Variants in SHISA6 observed in about 807,000 individuals in gnomAD.
SHISA6 encodes shisa family member 6, also known as protein shisa-6.
In SHISA6, 22 loss-of-function variants were observed where a neutral mutation model predicts 47.9. That is an observed-to-expected ratio of 0.46 (90% CI 0.33 to 0.66). SHISA6 has a LOEUF of 0.66. Among genes scored for constraint, SHISA6 ranks in the 30% least tolerant of loss-of-function variants. The pLI is 0.02. For synonymous variants in SHISA6, 388 were observed against 337.8 expected (o/e 1.15, Z -1.63); for missense variants, 680 against 764.6 (o/e 0.89, Z 1.30).
chr17:11,289,979 A>G (rs572539433), intron 2 of SHISA6: 67 of 152,316 alleles, frequency 4.4e-4, no homozygotes, highest in African/African-American at 1.4e-3. Context: ...AACAGTAGGT[A>G]TAACTGAATC....
intron 3 of SHISA6, among the ~76,000 whole-genome samples, chr17:11,532,313 T>C (rs2071741638): frequency 2.0e-5 from 3 of 151,754 alleles, no homozygotes; most frequent in African/African-American, 7.3e-5. Flanking sequence ...GGAGAAGGAG[T>C]GTCTGATGAG....
intron 1 of SHISA6, among the ~76,000 whole-genome samples, chr17:11,243,527 G>A (rs1190733961): frequency 6.6e-6 from 1 of 152,162 alleles, no homozygotes; most frequent in Non-Finnish European, 1.5e-5. Flanking sequence ...CCTCTTGTGT[G>A]AGAAACAGCC....
intron 4 of SHISA6, among the ~76,000 whole-genome samples, chr17:11,553,176 A>C (rs1289923596): frequency 6.6e-6 from 1 of 152,204 alleles, no homozygotes; most frequent in East Asian, 1.9e-4. Context: ...GAATGCAGAC[A>C]TGAAGTCTGG....
chr17:11,485,591 G>A (rs929944078), intron 3 of SHISA6, among the ~76,000 whole-genome samples: 1 of 152,164 alleles, frequency 6.6e-6, no homozygotes, highest in South Asian at 2.1e-4. Context: ...ACGGCCACGC[G>A]CACTGAGTGA....
At chr17:11,371,278 A>T (rs1912623315) in intron 2 of SHISA6, among the ~76,000 whole-genome samples, 1 of 152,150 alleles carries the variant, frequency 6.6e-6, no homozygotes, top group African/African-American at 2.4e-5. Flanking sequence ...CTCATTGTAT[A>T]GTCAGGGTTG....
intron 2 of SHISA6, among the ~76,000 whole-genome samples, chr17:11,296,139 G>A (rs1322360364): frequency 6.6e-6 from 1 of 152,062 alleles, no homozygotes; most frequent in African/African-American, 2.4e-5. Context: ...GAGGAGGCCA[G>A]GGCATGCAGA....
At chr17:11,244,981 G>T (rs1212733878) in intron 1 of SHISA6, among the ~76,000 whole-genome samples, 1 of 152,168 alleles carries the variant, frequency 6.6e-6, no homozygotes, top group Non-Finnish European at 1.5e-5. Context: ...AGGCTGGACA[G>T]CCCTCCGCCT....
intron 3 of SHISA6, among the ~76,000 whole-genome samples, chr17:11,540,569 T>C (rs547905171): frequency 6.6e-6 from 1 of 152,346 alleles, no homozygotes; most frequent in Non-Finnish European, 1.5e-5. Context: ...CCATACATCC[T>C]GCTAACACTT....
rs1003677830 is a variant in SHISA6, at chr17:11,489,331, G to A, written c.896-62565G>A. ...CCTTCTTCCCTTTTATCTATTTTTTGCAAATCTCCCAATCTAGTCCACTGA... is the reference window on the plus strand; with the variant it reads ...CCTTCTTCCCTTTTATCTATTTTTTACAAATCTCCCAATCTAGTCCACTGA... On this transcript the variant is annotated intron_variant, in intron 3 of 5. Transcript: ENST00000441885. 1.6e-4 allele frequency among the ~76,000 whole-genome samples: 25 copies of A among 151,726 alleles called. 1 individual carries two copies. The highest frequency in any genetic ancestry group is 3.1e-4 in the Non-Finnish European group (21 of 67,966).
At chr17:11,306,412 G>A (rs143696071) in intron 2 of SHISA6, among the ~76,000 whole-genome samples, 2 of 152,268 alleles carry the variant, frequency 1.3e-5, no homozygotes, top group East Asian at 1.9e-4. Flanking sequence ...AGCAATGATG[G>A]GCTTCTGCTG....
At chr17:11,325,773 G>T (rs62060975) in intron 2 of SHISA6, among the ~76,000 whole-genome samples, 41,102 of 151,862 alleles carry the variant, frequency 0.27, 6,466 homozygotes, top group Non-Finnish European at 0.35. Flanking sequence ...TTCCTCCCTG[G>T]GCTTAACTTT....
intron 2 of SHISA6, among the ~76,000 whole-genome samples, chr17:11,292,502 A>G (rs1909589076): frequency 6.6e-6 from 1 of 152,150 alleles, no homozygotes; most frequent in Admixed American, 6.6e-5. Context: ...GGAGCACACA[A>G]TTCAGCTCAC....
intron 1 of SHISA6, among the ~76,000 whole-genome samples, chr17:11,245,280 C>A (rs1455632211): frequency 6.6e-6 from 1 of 152,214 alleles, no homozygotes; most frequent in Admixed American, 6.5e-5. Context: ...GCCGTGCCTG[C>A]CTTTCCCAAC....
At chr17:11,350,185 T>TTA (rs1911833125) in intron 2 of SHISA6, among the ~76,000 whole-genome samples, 7 of 118,484 alleles carry the variant, frequency 5.9e-5, no homozygotes, top group African/African-American at 1.6e-4. Context: ...TTTATTTATT[T>TTA]TTTTTTTTTT....
In SHISA6 at chr17:11,523,646, G is replaced by C. The variant is rs141551889; in HGVS notation, c.896-28250G>C. On this transcript the variant is annotated intron_variant, in intron 3 of 5. Coordinates refer to ENST00000441885, the MANE Select transcript of SHISA6 (RefSeq NM_207386.4). ...TGATATTTATTTAAAATGTATCCAT[G>C]TTTATCTCCCTGATACTTCATACAG... Among the ~76,000 whole-genome samples the C allele has an allele frequency of 1.1e-3, 175 of 152,256 alleles. 3 individuals carry two copies. Among genetic ancestry groups the C allele is most frequent in the African/African-American group, 3.7e-3 (153 of 41,538 alleles).
At chr17:11,400,109 C>T (rs1247886130) in intron 3 of SHISA6, among the ~76,000 whole-genome samples, 4 of 152,132 alleles carry the variant, frequency 2.6e-5, no homozygotes, top group Non-Finnish European at 5.9e-5. Flanking sequence ...CTTGTTAAAC[C>T]TCTACTATTC....
chr17:11,263,305 C>T (rs2142146411), intron 1 of SHISA6, 61 bp from the exon 2 acceptor site: 2 of 1,520,546 alleles, frequency 1.3e-6, no homozygotes, highest in Non-Finnish European at 1.8e-6. Flanking sequence ...TAAGCCAACT[C>T]CCCTCATGGT....
intron 3 of SHISA6, among the ~76,000 whole-genome samples, chr17:11,535,012 C>T (rs943508557): frequency 6.6e-6 from 1 of 152,076 alleles, no homozygotes; most frequent in Non-Finnish European, 1.5e-5. Context: ...CCTGTAACCC[C>T]AGCTACTCGG....
rs752069497 is a variant in SHISA6 at position 11,358,034 on chromosome 17, G to A, written c.800-21380G>A. On this transcript the variant is annotated intron_variant, in intron 2 of 5. Transcript: ENST00000441885. ...TATTAACTTTTAAATTTTTAATTAC[G>A]GTAAAATATACATAACATAAAATTT... 1.9e-4 allele frequency among the ~76,000 whole-genome samples: 29 copies of A among 151,824 alleles called. No homozygotes were observed. The East Asian group carries it at 4.7e-3, about 24-fold the overall frequency.
Sources: gnomAD v4.1 joint callset for allele counts (sites outside exome capture counted in the v4.1 genomes callset) on GRCh38, gnomAD v4.1.1 for gene constraint, MANE v1.5 for transcripts, NCBI Gene and HGNC (gene_info 2026-07-23, HGNC 2026-07-21) for gene names.